Variants in GAB2 observed in about 807,000 individuals in gnomAD.
The protein encoded by GAB2 is GRB2 associated binding protein 2, also known as GRB2-associated-binding protein 2.
Under a neutral mutation model 65.5 loss-of-function variants are expected in GAB2, and 26 were observed. The observed-to-expected ratio is 0.40, with a 90% CI of 0.29 to 0.55. The LOEUF is 0.55. Among genes scored for constraint, GAB2 ranks in the 20% least tolerant of loss-of-function variants. The probability of loss-of-function intolerance (pLI) is 0.53; values close to 1 mark genes in which losing one functional copy is unlikely to be tolerated. For missense variants in GAB2, 884 were observed against 875.8 expected (o/e 1.01, Z -0.12); for synonymous variants, 321 against 329.6 (o/e 0.97, Z 0.28).
chr11:78,410,217 T>TCAGAGGCCAGGTGCAG (rs1857108923), intron 1 of GAB2, among the ~76,000 whole-genome samples: 1 of 152,110 alleles, frequency 6.6e-6, no homozygotes. Flanking sequence ...TATAAAAAAA[T>TCAGAGGCCAGGTGCAG]CAGAGGCCAG....
intron 1 of GAB2, among the ~76,000 whole-genome samples, chr11:78,312,579 C>T (rs937048317): frequency 6.6e-6 from 1 of 152,180 alleles, no homozygotes; most frequent in Non-Finnish European, 1.5e-5. Context: ...GTGCCCACCA[C>T]CATGCCCCGC....
At chr11:78,394,426 C>T (rs1230371196) in intron 1 of GAB2, among the ~76,000 whole-genome samples, 1 of 152,190 alleles carries the variant, frequency 6.6e-6, no homozygotes, top group Non-Finnish European at 1.5e-5. Flanking sequence ...GATTCCCTGA[C>T]CTACTATAAT....
intron 1 of GAB2, among the ~76,000 whole-genome samples, chr11:78,294,190 T>C (rs948870921): frequency 3.3e-5 from 5 of 152,180 alleles, no homozygotes; most frequent in Non-Finnish European, 7.4e-5. Flanking sequence ...GTCCTTGCGA[T>C]AGTTTGCTGA....
intron 1 of GAB2, among the ~76,000 whole-genome samples, chr11:78,302,078 A>T (rs776691107): frequency 3.9e-5 from 6 of 152,136 alleles, no homozygotes; most frequent in Non-Finnish European, 8.8e-5. Flanking sequence ...ACCTGAAACT[A>T]TAAAAATTCT....
intron 1 of GAB2, among the ~76,000 whole-genome samples, chr11:78,373,814 CCT>C (rs968461101): frequency 8.5e-5 from 13 of 152,292 alleles, no homozygotes; most frequent in African/African-American, 3.1e-4. Context: ...ACAGAAATCA[CCT>C]CTTTGTGTAG....
chr11:78,414,553 C>T (rs945801909), intron 1 of GAB2, among the ~76,000 whole-genome samples: 1 of 152,148 alleles, frequency 6.6e-6, no homozygotes, highest in African/African-American at 2.4e-5. Flanking sequence ...TATACATGTA[C>T]GTGTGTATGC....
rs148392091 is a variant in GAB2, at chr11:78,304,766, T to C, written c.76-23865A>G. 9.8e-5 allele frequency among the ~76,000 whole-genome samples: 15 copies of C among 152,286 alleles called. No individual in the cohort carries two copies. The East Asian group carries it at 2.9e-3, about 29-fold the overall frequency. On this transcript the variant is annotated intron_variant, in intron 1 of 9. Transcript: ENST00000361507. Reference sequence around the variant, plus strand: ...ATATGAAAAAGTTTGAAAAGCACTGTCCTACAGTGCCAAGTCTAAACTACT... The same window carrying C: ...ATATGAAAAAGTTTGAAAAGCACTGCCCTACAGTGCCAAGTCTAAACTACT...
intron 1 of GAB2, among the ~76,000 whole-genome samples, chr11:78,300,794 A>C (rs530069719): frequency 6.8e-6 from 1 of 146,992 alleles, no homozygotes; most frequent in South Asian, 2.2e-4. Flanking sequence ...TCCCAGGTTC[A>C]AGCAATTCTC....
intron 3 of GAB2, among the ~76,000 whole-genome samples, chr11:78,229,691 A>G (rs1565116617): frequency 1.3e-5 from 2 of 151,878 alleles, no homozygotes; most frequent in Non-Finnish European, 2.9e-5. Context: ...TTAAGCCCAA[A>G]CTCCTAGGTT....
At chr11:78,417,590 T>A in intron 1 of GAB2, 56 bp downstream of exon 1, 2 of 785,478 alleles carry the variant, frequency 2.5e-6, no homozygotes, top group Non-Finnish European at 3.2e-6. Flanking sequence ...CCCCCGCCCC[T>A]CCGCAGGCCC....
rs1424303881 is a variant in GAB2, at chr11:78,226,919, A to T, written c.753T>A (p.Leu251=). ...ISGQVHGFYS[L]PKPSRHNTEF... ...CTGTATTGTGCCGGCTCGGCTTGGG[A>T]AGGCTATAGAAGCCATGGACTTGAC... The change falls in exon 4 of 10, where the codon CTT becomes CTA. Residue 251 remains leucine, a synonymous_variant. Transcript: ENST00000361507. 6.2e-7 allele frequency: 1 copy of T among 1,613,940 alleles called. No homozygotes were observed. Among genetic ancestry groups the T allele is most frequent in the Non-Finnish European group, 8.5e-7 (1 of 1,179,942 alleles).
At chr11:78,257,518 G>T (rs1443894748) in intron 2 of GAB2, among the ~76,000 whole-genome samples, 1 of 152,200 alleles carries the variant, frequency 6.6e-6, no homozygotes, top group Non-Finnish European at 1.5e-5. Flanking sequence ...GTGAGGAATA[G>T]AGATCATTTT....
intron 1 of GAB2, among the ~76,000 whole-genome samples, chr11:78,407,527 G>GGAGGCT (rs1857060691): frequency 1.3e-5 from 2 of 151,912 alleles, no homozygotes; most frequent in South Asian, 4.1e-4. Context: ...CAGCTACTAG[G>GGAGGCT]GAGGCTGAGG....
At chr11:78,311,419 A>G (rs565699761) in intron 1 of GAB2, among the ~76,000 whole-genome samples, 2 of 152,104 alleles carry the variant, frequency 1.3e-5, no homozygotes, top group African/African-American at 4.8e-5. Context: ...TTCTTTCCCT[A>G]AAGAATATTA....
intron 4 of GAB2, among the ~76,000 whole-genome samples, chr11:78,225,444 A>T (rs1289258942): frequency 6.6e-6 from 1 of 152,068 alleles, no homozygotes; most frequent in African/African-American, 2.4e-5. Flanking sequence ...CTCTACCCTC[A>T]TCTATGCACC....
intron 1 of GAB2, among the ~76,000 whole-genome samples, chr11:78,386,453 C>A (rs1274803158): frequency 1.3e-5 from 2 of 152,194 alleles, no homozygotes; most frequent in East Asian, 1.9e-4. Context: ...TGGCCCTCAT[C>A]CAGGTATCTG....
At position 78,233,222 on chromosome 11, in the gene GAB2, A is replaced by G. The variant is rs186551898; in HGVS notation, c.621-6171T>C. Among the ~76,000 whole-genome samples, 891 of 151,952 alleles carry G rather than the reference A, an allele frequency of 5.9e-3. 2 individuals carry two copies. The highest frequency in any genetic ancestry group is 9.9e-3 in the Non-Finnish European group (675 of 67,972). On this transcript the variant is annotated intron_variant, in intron 3 of 9. Coordinates refer to ENST00000361507, the MANE Select transcript of GAB2 (RefSeq NM_080491.3). ...GCCTGGCTAATTGTTTTTGGTAGAG[A>G]TGGGGTGTCGCCATGTTGCCCGGGC...
chr11:78,341,630 G>T, intron 1 of GAB2: 2 of 287,210 alleles, frequency 7.0e-6, no homozygotes, highest in Non-Finnish European at 5.2e-6. Context: ...TCATCAAGTA[G>T]TCAACAATTT....
intron 1 of GAB2, among the ~76,000 whole-genome samples, chr11:78,363,098 T>G (rs1404759591): frequency 1.3e-5 from 2 of 152,208 alleles, no homozygotes; most frequent in African/African-American, 4.8e-5. Flanking sequence ...TAACCTTCCT[T>G]GGAACTAGAT....
Sources: gnomAD v4.1 joint callset for allele counts (sites outside exome capture counted in the v4.1 genomes callset) on GRCh38, gnomAD v4.1.1 for gene constraint, MANE v1.5 for transcripts, NCBI Gene and HGNC (gene_info 2026-07-23, HGNC 2026-07-21) for gene names.